The following PACS2 variants were observed in gnomAD, a reference collection of about 807,000 sequenced individuals.
PACS2 encodes PACS1-like protein.
A neutral mutation model predicts 113.0 loss-of-function variants in PACS2; 36 were observed. The observed-to-expected ratio is 0.32, with a 90% CI of 0.24 to 0.42. The LOEUF is 0.42. Among genes scored for constraint, PACS2 ranks in the 10% least tolerant of loss-of-function variants. The pLI is 1.00. For missense variants in PACS2, 1,015 were observed against 1,239.5 expected (o/e 0.82, Z 2.72); for synonymous variants, 589 against 536.1 (o/e 1.10, Z -1.36).
chr14:105,340,674 CA>C lies in PACS2; in HGVS notation c.120-7818del, dbSNP rs1262966671. 1.1e-4 allele frequency among the ~76,000 whole-genome samples: 16 copies of C among 152,344 alleles called. No individual in the cohort carries two copies. Among genetic ancestry groups the C allele is most frequent in the African/African-American group, 2.9e-4 (12 of 41,586 alleles). The stretch of plus-strand genomic sequence containing the variant: ...CTGGGGGTTGGGGACCTCTGGTCTA[CA>C]GCACAGGTGACTTTTCTGTACCAGA... On this transcript the variant is annotated intron_variant, in intron 1 of 24. Transcript: ENST00000447393. This position sits in a 1 kb window ranked among gnomAD's most constrained non-coding sequence, Gnocchi z 4.2.
chr14:105,367,412 G>C, intron 5 of PACS2, 37 bp downstream of exon 5: 2 of 1,598,866 alleles, frequency 1.3e-6, no homozygotes, highest in Non-Finnish European at 8.6e-7. Context: ...CCCCTGCTGT[G>C]GGGAGGCCCT....
chr14:105,377,767 C>T (rs2080836976), intron 9 of PACS2, among the ~76,000 whole-genome samples: 1 of 152,258 alleles, frequency 6.6e-6, no homozygotes, highest in South Asian at 2.1e-4. Context: ...TAACAGGTGA[C>T]CGCGGATGTG....
chr14:105,307,698 C>T lies in PACS2; in HGVS notation c.-83+6719C>T, dbSNP rs587666106. Among the ~76,000 whole-genome samples the T allele has an allele frequency of 2.4e-4, 36 of 152,376 alleles. No homozygotes were observed. In the South Asian group the frequency reaches 6.0e-3, roughly 25 times the overall value. Reference sequence around the variant, plus strand: ...CCTGCTGCCTGGCCTTGGGCAAGTGCTTCAATCTCTCTAGGTTTCTACTTC... The same window carrying T: ...CCTGCTGCCTGGCCTTGGGCAAGTGTTTCAATCTCTCTAGGTTTCTACTTC... On this transcript the variant is annotated intron_variant, in intron 1 of 23. Transcript: ENST00000430725.
rs190352949 is a variant in PACS2 at position 105,374,370 on chromosome 14, C to T, written c.802-2398C>T. Among the ~76,000 whole-genome samples the T allele has an allele frequency of 5.3e-5, 8 of 152,216 alleles. No homozygotes were observed. In the East Asian group the frequency reaches 9.6e-4, roughly 18 times the overall value. ...CACCAAATAGTGCCATCAAGAAAACCGAACAGTAGAACAGAAGAATGTTTT... is the reference window on the plus strand; with the variant it reads ...CACCAAATAGTGCCATCAAGAAAACTGAACAGTAGAACAGAAGAATGTTTT... On this transcript the variant is annotated intron_variant, in intron 8 of 24. Coordinates refer to ENST00000447393, the MANE Select transcript of PACS2 (RefSeq NM_001100913.3).
At chr14:105,394,264 G>A (rs2081470524) in intron 24 of PACS2, 1 of 985,214 alleles carries the variant, frequency 1.0e-6, no homozygotes, top group Non-Finnish European at 1.2e-6. Flanking sequence ...CCTGGCGGAA[G>A]GTGGTGGGGT....
chr14:105,363,972 C>G (rs960816758), intron 4 of PACS2, among the ~76,000 whole-genome samples: 7 of 152,046 alleles, frequency 4.6e-5, no homozygotes, highest in Non-Finnish European at 8.8e-5. Flanking sequence ...AGCAGTCAGA[C>G]GCACACACCT....
At chr14:105,353,953 T>C (rs2060331332) in intron 3 of PACS2, among the ~76,000 whole-genome samples, 1 of 151,442 alleles carries the variant, frequency 6.6e-6, no homozygotes, top group Admixed American at 6.6e-5. Flanking sequence ...GGCTCATGCC[T>C]GTAATCCCAG....
chr14:105,391,467 G>A (rs1397602615), intron 21 of PACS2, 164 bp from the exon 22 acceptor site: 16 of 705,966 alleles, frequency 2.3e-5, no homozygotes, highest in South Asian at 2.2e-4. Flanking sequence ...TCCAAAAACC[G>A]AGGAGAATCC....
At chr14:105,304,273 C>G (rs756573946) in intron 1 of PACS2, among the ~76,000 whole-genome samples, 2 of 152,140 alleles carry the variant, frequency 1.3e-5, no homozygotes, top group Admixed American at 6.6e-5. Flanking sequence ...GGGCAGATCA[C>G]GAGGTCAAGA....
rs373599086 is a variant in PACS2, at chr14:105,391,582, G to A, written c.2120-49G>A. On this transcript the variant is annotated intron_variant, in intron 21 of 24. Transcript: ENST00000447393. Reference sequence around the variant, plus strand: ...TGGTCCGGAGGGCCTGGTGGCACCCGGGCAGAGCAGCAGGTGGGCTCAGCC... The same window carrying A: ...TGGTCCGGAGGGCCTGGTGGCACCCAGGCAGAGCAGCAGGTGGGCTCAGCC... The A allele has an allele frequency of 1.4e-5, 18 of 1,321,472 alleles. 1 individual carries two copies. The highest frequency in any genetic ancestry group is 4.9e-5 in the East Asian group (1 of 20,332). 81.9% of individuals were successfully genotyped at this position (1,321,472 alleles called of 1,614,324 possible). A position where few individuals can be genotyped will look rare whatever the true frequency, so the allele number is the denominator to read the frequency against.
At chr14:105,361,654 C>A (rs2060683350) in intron 4 of PACS2, among the ~76,000 whole-genome samples, 1 of 147,952 alleles carries the variant, frequency 6.8e-6, no homozygotes, top group African/African-American at 2.5e-5. Flanking sequence ...AACAAACAAA[C>A]AAAAAAATTA....
intron 24 of PACS2, chr14:105,394,118 C>T: frequency 2.6e-6 from 2 of 765,102 alleles, no homozygotes; most frequent in South Asian, 5.9e-5. Flanking sequence ...GGGAGGCTTT[C>T]CTCTTTTTGA....
rs189734046 is a variant in PACS2 at position 105,317,158 on chromosome 14, G to A, written c.119+2121G>A. ...GAAGCTTCTGGGCTGCGTGTGTGCTGATGCCTTTCGGCGTGTTCACTGCTG... is the reference window on the plus strand; with the variant it reads ...GAAGCTTCTGGGCTGCGTGTGTGCTAATGCCTTTCGGCGTGTTCACTGCTG... On this transcript the variant is annotated intron_variant, in intron 1 of 24. Coordinates refer to ENST00000447393, the MANE Select transcript of PACS2 (RefSeq NM_001100913.3). The surrounding 1 kb of genome is among the most constrained non-coding windows in gnomAD (Gnocchi z 4.2). 1.3e-5 allele frequency among the ~76,000 whole-genome samples: 2 copies of A among 152,328 alleles called. No homozygotes were observed. Among genetic ancestry groups the A allele is most frequent in the South Asian group, 2.1e-4 (1 of 4,824 alleles).
At chr14:105,305,623 G>A (rs1002470147) in intron 1 of PACS2, among the ~76,000 whole-genome samples, 5 of 152,186 alleles carry the variant, frequency 3.3e-5, no homozygotes, top group African/African-American at 1.2e-4. Context: ...CTGAGGCAGG[G>A]AGTAACGCTC....
intron 1 of PACS2, among the ~76,000 whole-genome samples, chr14:105,345,243 TA>T (rs1189908179): frequency 6.6e-6 from 1 of 151,190 alleles, no homozygotes; most frequent in African/African-American, 2.4e-5. Flanking sequence ...CCGTCTCCAC[TA>T]AAAATACAAA....
intron 12 of PACS2, 52 bp downstream of exon 12, chr14:105,381,151 G>A (rs2080979344): frequency 6.6e-7 from 1 of 1,521,706 alleles, no homozygotes; most frequent in Non-Finnish European, 9.0e-7. Context: ...GTCGGGGGAG[G>A]GGCCGTCACG....
At chr14:105,385,650 G>A (rs1008004427) in intron 18 of PACS2, 35 bp from the exon 19 acceptor site, 212 of 1,496,268 alleles carry the variant, frequency 1.4e-4, no homozygotes, top group East Asian at 1.7e-4. Flanking sequence ...GCGTCGTAAC[G>A]TGTCTGTTTT....
chr14:105,393,535 C>A, intron 24 of PACS2, 200 bp downstream of exon 24: 1 of 476,906 alleles, frequency 2.1e-6, no homozygotes, highest in Non-Finnish European at 3.7e-6. Context: ...TTTTTCAACC[C>A]TTTTTGCTTT....
rs2058733414 is a variant in PACS2 at position 105,317,795 on chromosome 14, C to T, written c.119+2758C>T. On this transcript the variant is annotated intron_variant, in intron 1 of 24. Transcript: ENST00000447393. The surrounding 1 kb of genome is among the most constrained non-coding windows in gnomAD (Gnocchi z 4.2). ...GTGTGCACATTGACTGTTTGCCAGG[C>T]TGGGGTGCTGGTCTCGTTTCGGTTC... Among the ~76,000 whole-genome samples the T allele has an allele frequency of 6.6e-6, 1 of 152,206 alleles. No individual in the cohort carries two copies. Among genetic ancestry groups the T allele is most frequent in the Admixed American group, 6.5e-5 (1 of 15,280 alleles).
Sources: gnomAD v4.1 joint callset for allele counts (sites outside exome capture counted in the v4.1 genomes callset) on GRCh38, gnomAD v4.1.1 for gene constraint, Gnocchi (gnomAD v3.1) non-coding constraint, MANE v1.5 for transcripts, NCBI Gene and HGNC (gene_info 2026-07-23, HGNC 2026-07-21) for gene names.